Variants in SMARCD1 observed in about 807,000 individuals in gnomAD.
SMARCD1 encodes SWI/SNF related BAF chromatin remodeling complex subunit D1, also known as SWI/SNF-related matrix-associated actin-dependent regulator of chromatin subfamily D member 1.
A neutral mutation model predicts 70.8 loss-of-function variants in SMARCD1; 16 were observed. The observed-to-expected ratio is 0.23, with a 90% CI of 0.15 to 0.34. The LOEUF is 0.34. Ranked by LOEUF, SMARCD1 falls within the 10% of genes least tolerant of loss-of-function variation. The probability of loss-of-function intolerance (pLI) is 1.00; values close to 1 mark genes in which losing one functional copy is unlikely to be tolerated. For synonymous variants in SMARCD1, 249 were observed against 246.0 expected (o/e 1.01, Z -0.11); for missense variants, 409 against 655.5 (o/e 0.62, Z 4.11).
chr12:50,093,280 CCAGGTT>C (rs1950863383), intron 9 of SMARCD1, among the ~76,000 whole-genome samples: 1 of 151,612 alleles, frequency 6.6e-6, no homozygotes, highest in African/African-American at 2.4e-5. Context: ...CCGCTGCCTC[CCAGGTT>C]CAAGCAATTC....
At position 50,086,176 on chromosome 12, in the gene SMARCD1, C is replaced by T; in HGVS notation, c.193C>T (p.Pro65Ser). The part of the protein sequence containing the change: ...GAAYPRPGML[P>S]GSRMTPQGPS... ...CCCTCTGTAGAGACCAGGTATGTTG[C>T]CAGGCAGCCGAATGACACCTCAGGG... The change falls in exon 2 of 13, where the codon CCA becomes TCA. Residue 65 changes from proline (P) to serine (S), a missense_variant. Around this residue, in one of 2 missense-constraint regions of SMARCD1, gnomAD observed 140 missense variants for 156.9 expected, o/e 0.89. Coordinates refer to ENST00000394963, the MANE Select transcript of SMARCD1 (RefSeq NM_003076.5). 1 of 1,565,094 alleles carries T rather than the reference C, an allele frequency of 6.4e-7. No individual in the cohort carries two copies. Among genetic ancestry groups the T allele is most frequent in the Non-Finnish European group, 8.7e-7 (1 of 1,152,214 alleles).
intron 11 of SMARCD1, chr12:50,098,362 T>C (rs1950910960): frequency 6.9e-6 from 2 of 288,408 alleles, no homozygotes; most frequent in Non-Finnish European, 1.3e-5. Context: ...GGAGACTCTG[T>C]TCTGTGCATC....
chr12:50,087,149 A>G (rs1020488916), intron 4 of SMARCD1, among the ~76,000 whole-genome samples: 1 of 152,204 alleles, frequency 6.6e-6, no homozygotes, highest in African/African-American at 2.4e-5. Context: ...GGCACCTTGC[A>G]TGACTTTGTC....
rs1419469844 is a variant in SMARCD1 at position 50,085,461 on chromosome 12, G to A, written c.92G>A (p.Gly31Asp). The A allele has an allele frequency of 8.1e-7, 1 of 1,239,390 alleles. No individual in the cohort carries two copies. Among genetic ancestry groups the A allele is most frequent in the Non-Finnish European group, 1.0e-6 (1 of 992,210 alleles). The allele number at this position is 1,239,390 out of a possible 1,614,324, so 76.8% of individuals were successfully genotyped here. Reference protein sequence around the residue: ...GAGAAAALGPGGTPGPPVRMG... With the variant: ...GAGAAAALGPDGTPGPPVRMG... ...GGCGCGGCTGCTGCCTTGGGCCCGGGCGGAACTCCGGGGCCTCCTGTGCGA... is the reference window on the plus strand; with the variant it reads ...GGCGCGGCTGCTGCCTTGGGCCCGGACGGAACTCCGGGGCCTCCTGTGCGA... The change falls in exon 1 of 13, where the codon GGC (glycine) becomes GAC (aspartate). Residue 31 changes from glycine to aspartate, a missense_variant. Coordinates refer to ENST00000394963, the MANE Select transcript of SMARCD1 (RefSeq NM_003076.5).
At position 50,087,600 on chromosome 12, in the gene SMARCD1, A is replaced by G. The variant is rs190407164; in HGVS notation, c.654+115A>G. The G allele has an allele frequency of 2.1e-3, 2,631 of 1,226,532 alleles. 10 individuals are homozygous for G. The highest frequency in any genetic ancestry group is 0.016 in the East Asian group (633 of 40,452). The allele number at this position is 1,226,532 out of a possible 1,614,324, so 76.0% of individuals were successfully genotyped here. On this transcript the variant is annotated intron_variant, in intron 5 of 12. Coordinates refer to ENST00000394963, the MANE Select transcript of SMARCD1 (RefSeq NM_003076.5). The stretch of plus-strand genomic sequence containing the variant: ...GCTCACAGCTCCTTTTGGGAGCAGT[A>G]AGGAGAGGGACACTGTTCCCTGCAC...
rs147206403 is a variant in SMARCD1, at chr12:50,088,505, A to G, written c.655-16A>G. ...TCTGGCCTTTCCTAATGTGATTTTT[A>G]TTTTCTCTCCTCTAGTCAGCCTTGT... is the stretch of plus-strand genomic sequence containing the variant. On this transcript the variant is annotated splice_polypyrimidine_tract_variant and intron_variant, in intron 5 of 12. Transcript: ENST00000394963. The G allele has an allele frequency of 1.8e-4, 258 of 1,416,046 alleles. No homozygotes were observed. Among genetic ancestry groups the G allele is most frequent in the Non-Finnish European group, 2.5e-4 (253 of 1,025,372 alleles). 87.7% of individuals were successfully genotyped at this position (1,416,046 alleles called of 1,614,324 possible).
intron 11 of SMARCD1, 137 bp downstream of exon 11, chr12:50,097,109 T>C: frequency 1.2e-5 from 9 of 774,752 alleles, no homozygotes; most frequent in Non-Finnish European, 1.8e-5. Flanking sequence ...CAGGGTCCAT[T>C]TTGCAATTAA....
At chr12:50,096,719 A>G (rs1282140819) in intron 10 of SMARCD1, 131 bp from the exon 11 acceptor site, 91 of 759,124 alleles carry the variant, frequency 1.2e-4, no homozygotes, top group Non-Finnish European at 9.2e-5. Flanking sequence ...GGAGCTCTAT[A>G]TGATGGTGCC....
chr12:50,086,891 A>G lies in SMARCD1; in HGVS notation c.531+13A>G. 2 of 1,613,410 alleles carry G rather than the reference A, an allele frequency of 1.2e-6. No individual in the cohort carries two copies. Among genetic ancestry groups the G allele is most frequent in the East Asian group, 2.2e-5 (1 of 44,886 alleles). ...ACGTCCCATCAAGGTAACACAGGAA[A>G]GTACTAGGCAGAGAGCCAAAGGAGA... On this transcript the variant is annotated intron_variant, in intron 4 of 12. Coordinates refer to ENST00000394963, the MANE Select transcript of SMARCD1 (RefSeq NM_003076.5).
intron 1 of SMARCD1, 111 bp downstream of exon 1, chr12:50,085,657 G>A (rs1950780956): frequency 5.3e-6 from 4 of 752,266 alleles, no homozygotes; most frequent in Non-Finnish European, 5.2e-6. Flanking sequence ...GAGGGGTTCG[G>A]GCTCTGGGTG....
At chr12:50,095,349 T>A (rs893596921) in intron 10 of SMARCD1, among the ~76,000 whole-genome samples, 9 of 151,006 alleles carry the variant, frequency 6.0e-5, no homozygotes, top group Admixed American at 5.3e-4. Flanking sequence ...TTTTTTGAGA[T>A]GGAGTCTTGC....
intron 11 of SMARCD1, among the ~76,000 whole-genome samples, chr12:50,097,308 T>C (rs1354423869): frequency 6.6e-6 from 1 of 152,214 alleles, no homozygotes; most frequent in East Asian, 1.9e-4. Flanking sequence ...CCCAGCACTT[T>C]GGGAGGCCGA....
intron 1 of SMARCD1, chr12:50,085,917 G>A: frequency 2.5e-6 from 1 of 400,644 alleles, no homozygotes. Flanking sequence ...TGTGGAACTG[G>A]CGATGTCCGA....
chr12:50,088,519 A>C lies in SMARCD1; in HGVS notation c.655-2A>C. The C allele has an allele frequency of 6.5e-7, 1 of 1,534,402 alleles. No individual in the cohort carries two copies. The highest frequency in any genetic ancestry group is 1.2e-5 in the South Asian group (1 of 86,666). On this transcript the variant is annotated splice_acceptor_variant, in intron 5 of 12. Transcript: ENST00000394963. LOFTEE classifies it high-confidence loss of function. ...ATGTGATTTTTATTTTCTCTCCTCT[A>C]GTCAGCCTTGTCCAAATATGATGCC...
intron 9 of SMARCD1, among the ~76,000 whole-genome samples, chr12:50,091,309 CTT>C (rs1455913619): frequency 6.8e-6 from 1 of 147,520 alleles, no homozygotes; most frequent in African/African-American, 2.5e-5. Context: ...GAGTTTCACT[CTT>C]GTTATGCAGG....
chr12:50,088,099 C>T (rs957821977), intron 5 of SMARCD1: 1 of 524,686 alleles, frequency 1.9e-6, no homozygotes. Flanking sequence ...GTGTCAGAGC[C>T]TCCTTCTCTA....
At chr12:50,093,173 CT>C (rs1260553794) in intron 9 of SMARCD1, among the ~76,000 whole-genome samples, 1 of 150,420 alleles carries the variant, frequency 6.6e-6, no homozygotes, top group African/African-American at 2.4e-5. Flanking sequence ...AAGACTCCAT[CT>C]AAAAAAAAAA....
At chr12:50,088,923 A>G (rs1950816473) in intron 6 of SMARCD1, 1 of 217,030 alleles carries the variant, frequency 4.6e-6, no homozygotes, top group Non-Finnish European at 9.0e-6. Context: ...TGTATGTGCC[A>G]GGCCATCTCT....
chr12:50,090,194 T>C (rs1950828485), intron 7 of SMARCD1, 47 bp from the exon 8 acceptor site: 3 of 1,549,354 alleles, frequency 1.9e-6, no homozygotes, highest in Non-Finnish European at 1.8e-6. Context: ...TTGCTGCATA[T>C]AGACGCAGCT....
Sources: gnomAD v4.1 joint callset for allele counts (sites outside exome capture counted in the v4.1 genomes callset) on GRCh38, gnomAD v4.1.1 for gene constraint, gnomAD v4.1.1 regional missense constraint, MANE v1.5 for transcripts, NCBI Gene and HGNC (gene_info 2026-07-23, HGNC 2026-07-21) for gene names.